The following SV2B variants were observed in gnomAD, a reference collection of about 807,000 sequenced individuals.
SV2B encodes solute carrier family 22 member B2.
SV2B carries 41 observed loss-of-function variants against 73.9 expected under a neutral mutation model. That is an observed-to-expected ratio of 0.56 (90% CI 0.43 to 0.72). The LOEUF is 0.72. Ranked by LOEUF, SV2B falls within the 30% of genes least tolerant of loss-of-function variation. The pLI, the probability that SV2B is intolerant of heterozygous loss-of-function variation, is 0.00. For missense variants in SV2B, 764 were observed against 857.8 expected (o/e 0.89, Z 1.37); for synonymous variants, 314 against 314.2 (o/e 1.00, Z 0.01).
At position 91,218,027 on chromosome 15, in the gene SV2B, A is replaced by G. The variant is rs140735386; in HGVS notation, c.-391-7846A>G. Among the ~76,000 whole-genome samples the G allele has an allele frequency of 6.5e-3, 985 of 152,358 alleles. 7 individuals carry two copies. Among genetic ancestry groups the G allele is most frequent in the Non-Finnish European group, 9.3e-3 (634 of 68,032 alleles). On this transcript the variant is annotated intron_variant, in intron 1 of 12. Coordinates refer to ENST00000394232, the MANE Select transcript of SV2B (RefSeq NM_001323032.3). Reference sequence around the variant, plus strand: ...ACTAAAGTAAAAGGTATTCTTTCTTATCGTTGCTAGGATAGTGGCTGAGAC... The same window carrying G: ...ACTAAAGTAAAAGGTATTCTTTCTTGTCGTTGCTAGGATAGTGGCTGAGAC...
In SV2B at chr15:91,283,274, T is replaced by A. The variant is rs763530431; in HGVS notation, c.1508-747T>A. On this transcript the variant is annotated intron_variant, in intron 10 of 12. Coordinates refer to ENST00000394232, the MANE Select transcript of SV2B (RefSeq NM_001323032.3). The surrounding 1 kb of genome is among the most constrained non-coding windows in gnomAD (Gnocchi z 4.3). ...AGAATGTTCAGGTTTTGGCACAGAC[T>A]ACAGCATGGGCTCTGGAGTGATCGG... is the stretch of plus-strand genomic sequence containing the variant. 6.6e-6 allele frequency among the ~76,000 whole-genome samples: 1 copy of A among 152,222 alleles called. No homozygotes were observed. Among genetic ancestry groups the A allele is most frequent in the Non-Finnish European group, 1.5e-5 (1 of 68,030 alleles).
rs1381996427 is a variant in SV2B at position 91,139,654 on chromosome 15, G to T, written c.-392+39291G>T. On this transcript the variant is annotated intron_variant, in intron 1 of 12. Transcript: ENST00000394232. The surrounding 1 kb of genome is among the most constrained non-coding windows in gnomAD (Gnocchi z 5.2). ...GTCAGAGAAGGCAAAAGCAAATTCT[G>T]TCTGAAAGAGAGCACCCTCCATTTA... Among the ~76,000 whole-genome samples the T allele has an allele frequency of 6.6e-6, 1 of 152,196 alleles. No individual in the cohort carries two copies. The highest frequency in any genetic ancestry group is 1.5e-5 in the Non-Finnish European group (1 of 68,038).
At chr15:91,171,697 C>A (rs112649589) in intron 1 of SV2B, among the ~76,000 whole-genome samples, 6 of 152,178 alleles carry the variant, frequency 3.9e-5, no homozygotes, top group Non-Finnish European at 7.3e-5. Context: ...CTTTATTGAT[C>A]GGCAACAATC....
Position 91,288,205 on chromosome 15 carries a change from C to T in SV2B, c.1709-1316C>T, listed in dbSNP as rs921731795. ...AGGTTTCCCTTCAATAGCCCATGTA[C>T]AGGTGTGTTCTCACCAGGTTATAAG... On this transcript the variant is annotated intron_variant, in intron 11 of 12. Coordinates refer to ENST00000394232, the MANE Select transcript of SV2B (RefSeq NM_001323032.3). This position sits in a 1 kb window ranked among gnomAD's most constrained non-coding sequence, Gnocchi z 5.8. 6.6e-6 allele frequency among the ~76,000 whole-genome samples: 1 copy of T among 152,136 alleles called. No individual in the cohort carries two copies. The highest frequency in any genetic ancestry group is 2.4e-5 in the African/African-American group (1 of 41,414).
chr15:91,209,370 C>A (rs1300066024), intron 1 of SV2B, among the ~76,000 whole-genome samples: 1 of 152,130 alleles, frequency 6.6e-6, no homozygotes, highest in East Asian at 1.9e-4. Context: ...GATGCCCCCA[C>A]CTCGGCCTCC....
Position 91,207,869 on chromosome 15 carries a change from C to T in SV2B, c.-391-18004C>T, listed in dbSNP as rs184695714. 3.2e-3 allele frequency among the ~76,000 whole-genome samples: 494 copies of T among 152,244 alleles called. 3 individuals are homozygous for T. The highest frequency in any genetic ancestry group is 5.3e-3 in the Non-Finnish European group (360 of 68,016). On this transcript the variant is annotated intron_variant, in intron 1 of 12. Coordinates refer to ENST00000394232, the MANE Select transcript of SV2B (RefSeq NM_001323032.3). The stretch of plus-strand genomic sequence containing the variant: ...CTTGACAACCTATGTGACAATTCTC[C>T]CTCTCAGGTATAGGGCAGGATACCT...
chr15:91,288,690 C>CT lies in SV2B; in HGVS notation c.1709-824dup, dbSNP rs1047668589. On this transcript the variant is annotated intron_variant, in intron 11 of 12. Coordinates refer to ENST00000394232, the MANE Select transcript of SV2B (RefSeq NM_001323032.3). This position sits in a 1 kb window ranked among gnomAD's most constrained non-coding sequence, Gnocchi z 5.8. ...TTCCTTCCTTCTTTTTCTCTTTCTT[C>CT]TTTTTTTGACAGTGTCTTGCTCTGT... is the stretch of plus-strand genomic sequence containing the variant. 6.7e-6 allele frequency among the ~76,000 whole-genome samples: 1 copy of CT among 148,208 alleles called. No individual in the cohort carries two copies. The highest frequency in any genetic ancestry group is 2.0e-4 in the East Asian group (1 of 5,078).
At chr15:91,103,238 A>C (rs1295338004) in intron 1 of SV2B, among the ~76,000 whole-genome samples, 1 of 152,208 alleles carries the variant, frequency 6.6e-6, no homozygotes, top group East Asian at 1.9e-4. Flanking sequence ...AACAGGAAGC[A>C]CAGGAATTAA....
chr15:91,157,627 G>A (rs941412715), intron 1 of SV2B, among the ~76,000 whole-genome samples: 5 of 152,320 alleles, frequency 3.3e-5, no homozygotes, highest in African/African-American at 1.2e-4. Context: ...TGATGCAGAT[G>A]CCATTATCAT....
Position 91,268,554 on chromosome 15 carries a change from A to G in SV2B, c.1322A>G (p.Asn441Ser). 1 of 1,613,926 alleles carries G rather than the reference A, an allele frequency of 6.2e-7. No individual in the cohort carries two copies. Among genetic ancestry groups the G allele is most frequent in the South Asian group, 1.1e-5 (1 of 91,064 alleles). Reference sequence around the variant, plus strand: ...GAGCATGTGTACGGCGCCACAATCAACTTCACGATGGAAAATCAGATCCAC... The same window carrying G: ...GAGCATGTGTACGGCGCCACAATCAGCTTCACGATGGAAAATCAGATCCAC... ...FGEHVYGATI[N>S]FTMENQIHQH... The change falls in exon 9 of 13, where the codon AAC (asparagine) becomes AGC (serine). Residue 441 changes from asparagine to serine, a missense_variant. Asn to Ser is a conservative substitution (Grantham distance 46). Transcript: ENST00000394232. This position sits in a 1 kb window ranked among gnomAD's most constrained non-coding sequence, Gnocchi z 4.4.
At chr15:91,257,917 C>T (rs1300257587) in intron 4 of SV2B, among the ~76,000 whole-genome samples, 1 of 152,158 alleles carries the variant, frequency 6.6e-6, no homozygotes, top group Non-Finnish European at 1.5e-5. Context: ...TGCATGAGGT[C>T]CCTTATTTGG....
At chr15:91,182,462 T>G (rs1028492097) in intron 1 of SV2B, among the ~76,000 whole-genome samples, 1 of 152,220 alleles carries the variant, frequency 6.6e-6, no homozygotes, top group African/African-American at 2.4e-5. Flanking sequence ...GTCTCTGAAT[T>G]AAGATTATGG....
chr15:91,103,879 CT>C (rs1813026367), intron 1 of SV2B, among the ~76,000 whole-genome samples: 1 of 152,212 alleles, frequency 6.6e-6, no homozygotes, highest in African/African-American at 2.4e-5. Context: ...CCTGATCTGT[CT>C]TTCCGGGCCA....
rs1247371421 is a variant in SV2B at position 91,100,497 on chromosome 15, A to G, written c.-392+134A>G. ...GCACAGCTGAGTGCTGTTCATAGTA[A>G]ATGGCACAAAAGATCGGAGAGTCTT... On this transcript the variant is annotated intron_variant, in intron 1 of 12. Coordinates refer to ENST00000394232, the MANE Select transcript of SV2B (RefSeq NM_001323032.3). This position sits in a 1 kb window ranked among gnomAD's most constrained non-coding sequence, Gnocchi z 6.4. 6.6e-6 allele frequency: 1 copy of G among 152,232 alleles called. No homozygotes were observed. Among genetic ancestry groups the G allele is most frequent in the Non-Finnish European group, 1.5e-5 (1 of 68,030 alleles). The allele number at this position is 152,232 out of a possible 1,614,324, so 9.4% of individuals were successfully genotyped here.
intron 1 of SV2B, among the ~76,000 whole-genome samples, chr15:91,114,361 G>C (rs1386149610): frequency 1.3e-5 from 2 of 152,154 alleles, no homozygotes; most frequent in African/African-American, 4.8e-5. Flanking sequence ...GTTTACACAA[G>C]AAGATGGGGA....
At position 91,234,479 on chromosome 15, in the gene SV2B, GA is replaced by G. The variant is rs1289496487; in HGVS notation, c.451+7766del. On this transcript the variant is annotated intron_variant, in intron 2 of 12. Transcript: ENST00000394232. This position sits in a 1 kb window ranked among gnomAD's most constrained non-coding sequence, Gnocchi z 5.6. ...AGTGTGGTTATTGTAGTGGACAGCA[GA>G]GGCAAAGCAGAAATCAGAACAGTCT... 6.6e-6 allele frequency among the ~76,000 whole-genome samples: 1 copy of G among 152,208 alleles called. No individual in the cohort carries two copies. Among genetic ancestry groups the G allele is most frequent in the Admixed American group, 6.5e-5 (1 of 15,278 alleles).
intron 1 of SV2B, among the ~76,000 whole-genome samples, chr15:91,133,716 C>T (rs927618398): frequency 6.6e-6 from 1 of 152,168 alleles, no homozygotes; most frequent in Non-Finnish European, 1.5e-5. Flanking sequence ...AGCAGGGTCA[C>T]TGGACACAGC....
intron 9 of SV2B, among the ~76,000 whole-genome samples, chr15:91,275,837 G>A (rs994868302): frequency 6.6e-6 from 1 of 152,028 alleles, no homozygotes; most frequent in African/African-American, 2.4e-5. Context: ...AAAAAAAAGA[G>A]GAAAATGTAC....
At chr15:91,186,224 A>G (rs2044764124) in intron 1 of SV2B, among the ~76,000 whole-genome samples, 1 of 152,224 alleles carries the variant, frequency 6.6e-6, no homozygotes, top group Non-Finnish European at 1.5e-5. Flanking sequence ...CAAAGCTGGT[A>G]ACTTCAGGGC....
Sources: allele counts gnomAD v4.1 joint callset (sites outside exome capture counted in the v4.1 genomes callset), GRCh38; gene constraint gnomAD v4.1.1; non-coding constraint Gnocchi (gnomAD v3.1); transcripts MANE v1.5; gene names NCBI Gene and HGNC (gene_info 2026-07-23, HGNC 2026-07-21).